The following SOCS6 variants were observed in gnomAD, a reference collection of about 807,000 sequenced individuals.
SOCS6 encodes the protein STAT induced STAT inhibitor-4.
Under a neutral mutation model 27.7 loss-of-function variants are expected in SOCS6, and 5 were observed. The observed-to-expected ratio is 0.18, with a 90% CI of 0.09 to 0.38. The LOEUF (loss-of-function observed/expected upper bound fraction) is 0.38, where lower values mean the gene tolerates loss of function less well. Ranked by LOEUF, SOCS6 falls within the 10% of genes least tolerant of loss-of-function variation. The pLI, the probability that SOCS6 is intolerant of heterozygous loss-of-function variation, is 1.00. For synonymous variants in SOCS6, 271 were observed against 260.0 expected (o/e 1.04, Z -0.41); for missense variants, 595 against 688.1 (o/e 0.86, Z 1.51).
intron 1 of SOCS6, among the ~76,000 whole-genome samples, chr18:70,318,282 T>A (rs1056815511): frequency 1.3e-5 from 2 of 152,182 alleles, no homozygotes; most frequent in African/African-American, 4.8e-5. Context: ...TTTGCACTAT[T>A]TTTATATAAA....
chr18:70,322,348 G>T (rs960722386), intron 1 of SOCS6, among the ~76,000 whole-genome samples: 1 of 152,138 alleles, frequency 6.6e-6, no homozygotes, highest in African/African-American at 2.4e-5. Flanking sequence ...TGGCCTAATA[G>T]AACTTTTATA....
rs1427347646 is a variant in SOCS6 at position 70,327,199 on chromosome 18, A to G, written c.*923A>G. 1 of 166,948 alleles carries G rather than the reference A, an allele frequency of 6.0e-6. No individual in the cohort carries two copies. The highest frequency in any genetic ancestry group is 1.5e-5 in the Non-Finnish European group (1 of 68,096). The allele number at this position is 166,948 out of a possible 1,614,324, so 10.3% of individuals were successfully genotyped here. A position where few individuals can be genotyped will look rare whatever the true frequency, so the allele number is the denominator to read the frequency against. On this transcript the variant is annotated 3_prime_UTR_variant, in exon 2 of 2. Coordinates refer to ENST00000397942, the MANE Select transcript of SOCS6 (RefSeq NM_004232.4). ...ATCTGTGATTTCTTTAGCTTAGTCA[A>G]CATTTTCTTGGGTGAACTTGATTGT...
At chr18:70,297,115 C>T (rs1460026446) in intron 1 of SOCS6, among the ~76,000 whole-genome samples, 1 of 151,890 alleles carries the variant, frequency 6.6e-6, no homozygotes, top group African/African-American at 2.4e-5. Flanking sequence ...GTTCTCCTCA[C>T]CCCCTCTTTT....
chr18:70,320,707 A>G (rs1910955479), intron 1 of SOCS6, among the ~76,000 whole-genome samples: 2 of 152,216 alleles, frequency 1.3e-5, no homozygotes, highest in Non-Finnish European at 2.9e-5. Context: ...GTGTATAGGA[A>G]AAAAGCAAAG....
At chr18:70,290,117 G>T (rs530669329) in intron 1 of SOCS6, among the ~76,000 whole-genome samples, 1 of 152,278 alleles carries the variant, frequency 6.6e-6, no homozygotes, top group Admixed American at 6.5e-5. Flanking sequence ...CGTCTGCCCG[G>T]ATAAGGCAGC....
chr18:70,304,005 A>C (rs762730613), intron 1 of SOCS6, among the ~76,000 whole-genome samples: 4 of 152,216 alleles, frequency 2.6e-5, no homozygotes, highest in Non-Finnish European at 2.9e-5. Context: ...TACCTCACAC[A>C]TAAATCGTAC....
intron 1 of SOCS6, among the ~76,000 whole-genome samples, chr18:70,323,815 G>A (rs370326286): frequency 5.6e-4 from 85 of 152,302 alleles, no homozygotes; most frequent in African/African-American, 1.7e-3. Context: ...TCTATGGAAC[G>A]CCTTTACTGT....
At chr18:70,318,871 G>GGTTTCA (rs1910871561) in intron 1 of SOCS6, among the ~76,000 whole-genome samples, 1 of 152,048 alleles carries the variant, frequency 6.6e-6, no homozygotes, top group Admixed American at 6.6e-5. Context: ...GAGAGACAGA[G>GGTTTCA]GTTTCAGTGA....
chr18:70,302,618 T>A (rs552819062), intron 1 of SOCS6, among the ~76,000 whole-genome samples: 1 of 152,186 alleles, frequency 6.6e-6, no homozygotes, highest in South Asian at 2.1e-4. Context: ...AATAGAAGTA[T>A]ACACAAGGAA....
intron 1 of SOCS6, among the ~76,000 whole-genome samples, chr18:70,322,043 G>A (rs1247056875): frequency 6.6e-6 from 1 of 152,138 alleles, no homozygotes; most frequent in Non-Finnish European, 1.5e-5. Flanking sequence ...AGTCATTTAA[G>A]AAAAGGTTGA....
chr18:70,324,285 G>A (rs1911101022), intron 1 of SOCS6, among the ~76,000 whole-genome samples: 1 of 138,148 alleles, frequency 7.2e-6, no homozygotes, highest in Non-Finnish European at 1.5e-5. Flanking sequence ...CTGGGCGAAA[G>A]AGTGAGACTC....
At chr18:70,291,890 A>C (rs1321688237) in intron 1 of SOCS6, among the ~76,000 whole-genome samples, 1 of 152,230 alleles carries the variant, frequency 6.6e-6, no homozygotes, top group Non-Finnish European at 1.5e-5. Context: ...GATAGAAATA[A>C]TTGTTCAGCT....
intron 1 of SOCS6, among the ~76,000 whole-genome samples, chr18:70,322,894 C>T (rs1323343786): frequency 6.6e-6 from 1 of 152,184 alleles, no homozygotes; most frequent in Non-Finnish European, 1.5e-5. Context: ...TTGTCAGGTT[C>T]TCTCTCTCCT....
rs957233033 is a variant in SOCS6, at chr18:70,299,091, C to T, written c.-127+10001C>T. On this transcript the variant is annotated intron_variant, in intron 1 of 1. Transcript: ENST00000397942. ...GAGCCAAGATCATGCCATTGCACTC[C>T]AGCCTGGGCAACAAGAGCGACCCTC... is the stretch of plus-strand genomic sequence containing the variant. 5.6e-4 allele frequency among the ~76,000 whole-genome samples: 85 copies of T among 152,250 alleles called. 1 individual carries two copies. The highest frequency in any genetic ancestry group is 2.0e-3 in the African/African-American group (84 of 41,532).
At position 70,328,076 on chromosome 18, in the gene SOCS6, A is replaced by G. The variant is rs1187243311; in HGVS notation, c.*1800A>G. On this transcript the variant is annotated 3_prime_UTR_variant, in exon 2 of 2. Transcript: ENST00000397942. ...CTCATTTTCTCATATGTTTTCTCCT[A>G]ATAAGATGGAATATGGAGTATACTG... is the stretch of plus-strand genomic sequence containing the variant. 6.0e-6 allele frequency: 1 copy of G among 166,922 alleles called. No individual in the cohort carries two copies. Among genetic ancestry groups the G allele is most frequent in the African/African-American group, 2.4e-5 (1 of 41,472 alleles). 10.3% of individuals were successfully genotyped at this position (166,922 alleles called of 1,614,324 possible).
chr18:70,297,809 A>G (rs1418618311), intron 1 of SOCS6, among the ~76,000 whole-genome samples: 1 of 152,224 alleles, frequency 6.6e-6, no homozygotes, highest in East Asian at 1.9e-4. Flanking sequence ...ACATTTAATA[A>G]CAAATTTCAT....
chr18:70,325,840 G>A lies in SOCS6; in HGVS notation c.1172G>A (p.Arg391His). Residue 391 changes from arginine (R) to histidine (H), a missense_variant, in exon 2 of 2, where the codon CGT becomes CAT. By Grantham distance (29) the Arg-to-His change is conservative. Transcript: ENST00000397942. The surrounding 1 kb of genome is among the most constrained non-coding windows in gnomAD (Gnocchi z 6.3). ...GGATGGTACTGGGGACCAATCACACGTTGGGAGGCAGAAGGGAAGCTAGCA... is the reference window on the plus strand; with the variant it reads ...GGATGGTACTGGGGACCAATCACACATTGGGAGGCAGAAGGGAAGCTAGCA... ...KQGWYWGPITRWEAEGKLANV... is the reference protein window; with the variant it reads ...KQGWYWGPITHWEAEGKLANV... The A allele has an allele frequency of 3.1e-6, 5 of 1,614,226 alleles. No homozygotes were observed. Among genetic ancestry groups the A allele is most frequent in the Non-Finnish European group, 4.2e-6 (5 of 1,180,034 alleles).
At position 70,318,615 on chromosome 18, in the gene SOCS6, G is replaced by GT. The variant is rs1162794677; in HGVS notation, c.-126-5916dup. Among the ~76,000 whole-genome samples, 738 of 146,118 alleles carry GT rather than the reference G, an allele frequency of 5.1e-3. 23 individuals are homozygous for GT. Among genetic ancestry groups the GT allele is most frequent in the Admixed American group, 0.038 (561 of 14,704 alleles). The stretch of plus-strand genomic sequence containing the variant: ...TTTCCATATATAACATATTATTGTT[G>GT]TTTTTTTTTTTTAATCAGATCTTAA... On this transcript the variant is annotated intron_variant, in intron 1 of 1. Transcript: ENST00000397942.
intron 1 of SOCS6, among the ~76,000 whole-genome samples, chr18:70,312,507 C>T (rs1475077959): frequency 1.3e-5 from 2 of 152,116 alleles, no homozygotes; most frequent in African/African-American, 2.4e-5. Flanking sequence ...TTACTTCAAT[C>T]ATGAGTTATG....
Sources: gnomAD v4.1 joint callset for allele counts (sites outside exome capture counted in the v4.1 genomes callset) on GRCh38, gnomAD v4.1.1 for gene constraint, Gnocchi (gnomAD v3.1) non-coding constraint, MANE v1.5 for transcripts, NCBI Gene and HGNC (gene_info 2026-07-23, HGNC 2026-07-21) for gene names.